Variants in SRP19 observed in about 807,000 individuals in gnomAD.
The protein encoded by SRP19 is signal recognition particle 19.
Under a neutral mutation model 22.4 loss-of-function variants are expected in SRP19, and 11 were observed. The observed-to-expected ratio is 0.49, with a 90% confidence interval of 0.31 to 0.81. The LOEUF is 0.81. Among genes scored for constraint, SRP19 ranks in the 40% least tolerant of loss-of-function variants. The pLI is 0.05. For synonymous variants in SRP19, 61 were observed against 57.6 expected, an observed-to-expected ratio of 1.06 and a Z score of -0.27; for missense variants, 168 against 175.9, an observed-to-expected ratio of 0.96 and a Z score of 0.25.
chr5:112,885,220 G>A (rs533309215), intron 4 of SRP19: 36 of 165,654 alleles, frequency 2.2e-4, no homozygotes, highest in Middle Eastern at 2.0e-3. Context: ...GGGGTGGGGA[G>A]CCCCAAGGAG....
In SRP19 at chr5:112,862,544, G is replaced by T. The variant is rs755053551; in HGVS notation, c.78G>T (p.Lys26Asn). 33 of 1,613,872 alleles carry T rather than the reference G, an allele frequency of 2.0e-5. No individual in the cohort carries two copies. Among genetic ancestry groups the T allele is most frequent in the South Asian group, 9.9e-5 (9 of 91,042 alleles). ...TCTATCCTGCTTATTTAAATAATAA[G>T]AAGACCATCGCAGAGGGAAGGCGAA... ...ICIYPAYLNN[K>N]KTIAEGRRIP... Residue 26 changes from lysine (K) to asparagine (N), a missense_variant, in exon 2 of 5, where the codon AAG (lysine) becomes AAT (asparagine). By Grantham distance (94) the Lys-to-Asn change is moderately conservative. Transcript: ENST00000505459.
In SRP19 at chr5:112,864,539, G is replaced by A; in HGVS notation, c.189+11G>A. The A allele has an allele frequency of 6.2e-7, 1 of 1,613,646 alleles. No individual in the cohort carries two copies. Among genetic ancestry groups the A allele is most frequent in the Non-Finnish European group, 8.5e-7 (1 of 1,179,592 alleles). ...AACGTATTTCTTGAGGTATGACGTG[G>A]TTCTTCACTATTTTCCATACTCATC... On this transcript the variant is annotated intron_variant, in intron 3 of 4. Transcript: ENST00000505459.
downstream of SRP19, chr5:112,895,246 A>AAAAAAAAAAAAAG: frequency 6.6e-6 from 1 of 150,842 alleles, no homozygotes; most frequent in Non-Finnish European, 1.5e-5. Flanking sequence ...TCAAAAAAAA[A>AAAAAAAAAAAAAG]AAAAAAAAAA....
rs148097527 is a variant in SRP19 at position 112,868,499 on chromosome 5, C to T, written c.*962C>T. 1.4e-3 allele frequency: 754 copies of T among 531,796 alleles called. 6 individuals are homozygous for T. The African/African-American group carries it at 0.014, about 10-fold the overall frequency. 32.9% of individuals were successfully genotyped at this position (531,796 alleles called of 1,614,324 possible). A position where few individuals can be genotyped will look rare whatever the true frequency, so the allele number is the denominator to read the frequency against. ...TACCACAACCTCTGCATCCCAGGTT[C>T]AAGAGATTCTCCTGCCTCAGCCTCC... is the stretch of plus-strand genomic sequence containing the variant. On this transcript the variant is annotated 3_prime_UTR_variant, in exon 5 of 5. Coordinates refer to ENST00000505459, the MANE Select transcript of SRP19 (RefSeq NM_003135.3).
Position 112,868,250 on chromosome 5 carries a change from T to C in SRP19, c.*713T>C. On this transcript the variant is annotated 3_prime_UTR_variant, in exon 5 of 5. Transcript: ENST00000505459. ...TACACTTTCCTTCAACAAATGAAAT[T>C]GGATTGGTGCTCCAGAATTTCAGAG... 5.1e-6 allele frequency: 5 copies of C among 985,528 alleles called. No individual in the cohort carries two copies. The South Asian group carries it at 1.4e-4, about 28-fold the overall frequency. 61.0% of individuals were successfully genotyped at this position (985,528 alleles called of 1,614,324 possible).
chr5:112,888,170 T>TAA (rs60080597), intron 4 of SRP19, among the ~76,000 whole-genome samples: 85,763 of 151,688 alleles, frequency 0.57, 26,852 homozygotes, highest in African/African-American at 0.86. Flanking sequence ...GCTTTAAATT[T>TAA]AAGTCTTAGT....
In SRP19 at chr5:112,867,449, A is replaced by C; in HGVS notation, c.347A>C (p.Lys116Thr). The stretch of plus-strand genomic sequence containing the variant: ...GCAGCAGAAATGATACCTAAACTAA[A>C]AACAAGGACACAAAAAACAGGAGGT... ...LYAAEMIPKL[K>T]TRTQKTGGAD... is the part of the protein sequence containing the mutation. Residue 116 changes from lysine to threonine, a missense_variant, in exon 5 of 5, where the codon AAA (lysine) becomes ACA (threonine). Transcript: ENST00000505459. 6.2e-7 allele frequency: 1 copy of C among 1,614,064 alleles called. No homozygotes were observed. The highest frequency in any genetic ancestry group is 8.5e-7 in the Non-Finnish European group (1 of 1,179,978).
rs572863260 is a variant in SRP19, at chr5:112,891,434, A to G, written c.302-169A>G. 3.3e-5 allele frequency among the ~76,000 whole-genome samples: 5 copies of G among 152,282 alleles called. No homozygotes were observed. The East Asian group carries it at 9.6e-4, about 29-fold the overall frequency. The stretch of plus-strand genomic sequence containing the variant: ...GAAATGAAATTCAAATTTATGATAT[A>G]CTTAATTACAAAAAAAGTCTAACTG... On this transcript the variant is annotated intron_variant, in intron 4 of 4. Transcript: ENST00000391338.
intron 4 of SRP19, chr5:112,887,246 A>G: frequency 7.1e-7 from 1 of 1,415,330 alleles, no homozygotes; most frequent in Non-Finnish European, 9.4e-7. Flanking sequence ...CTGAGAATAC[A>G]CACTGTCTTT....
intron 4 of SRP19, among the ~76,000 whole-genome samples, chr5:112,881,318 G>C (rs186949649): frequency 3.3e-5 from 5 of 152,110 alleles, no homozygotes. Context: ...TGCTGCTGGA[G>C]AACTGTCTTG....
intron 1 of SRP19, among the ~76,000 whole-genome samples, 176 bp downstream of exon 1, chr5:112,861,593 C>T (rs1482247319): frequency 6.6e-6 from 1 of 152,242 alleles, no homozygotes; most frequent in African/African-American, 2.4e-5. Context: ...GCAGCAGCCA[C>T]CAGGCTCTTC....
Position 112,868,093 on chromosome 5 carries a change from TA to T in SRP19, c.*558del. 1 of 985,442 alleles carries T rather than the reference TA, an allele frequency of 1.0e-6. No homozygotes were observed. 61.0% of individuals were successfully genotyped at this position (985,442 alleles called of 1,614,324 possible). On this transcript the variant is annotated 3_prime_UTR_variant, in exon 5 of 5. Coordinates refer to ENST00000505459, the MANE Select transcript of SRP19 (RefSeq NM_003135.3). ...TAGATGATATTTTAATATATTATTG[TA>T]ATCGAATCGTTCAGTTGTTTTTTGA...
chr5:112,886,719 T>C (rs915017739), intron 4 of SRP19, among the ~76,000 whole-genome samples: 2 of 152,234 alleles, frequency 1.3e-5, no homozygotes, highest in African/African-American at 4.8e-5. Context: ...TTAGAAGAGA[T>C]GGACTTGCAT....
downstream of SRP19, among the ~76,000 whole-genome samples, chr5:112,871,415 C>G (rs1189088676): frequency 6.6e-6 from 1 of 151,784 alleles, no homozygotes; most frequent in Non-Finnish European, 1.5e-5. Flanking sequence ...CTCAAGTGAT[C>G]CTCCCATCTC....
intron 4 of SRP19, among the ~76,000 whole-genome samples, chr5:112,866,315 C>T (rs543884408): frequency 5.9e-5 from 9 of 152,130 alleles, no homozygotes; most frequent in Admixed American, 3.9e-4. Flanking sequence ...GGAGTTTCTC[C>T]ATCTTGGTCA....
chr5:112,888,499 T>C (rs1300809694), intron 4 of SRP19, among the ~76,000 whole-genome samples: 1 of 152,226 alleles, frequency 6.6e-6, no homozygotes, highest in Non-Finnish European at 1.5e-5. Context: ...CATGGCTTAC[T>C]GCAGCCTTGA....
chr5:112,883,254 C>T (rs929806263), intron 4 of SRP19, among the ~76,000 whole-genome samples: 3 of 152,166 alleles, frequency 2.0e-5, no homozygotes, highest in Non-Finnish European at 4.4e-5. Flanking sequence ...TTCTCTCATT[C>T]TCTCAAATCC....
At chr5:112,875,083 A>C (rs1001382441) in intron 4 of SRP19, among the ~76,000 whole-genome samples, 2 of 152,084 alleles carry the variant, frequency 1.3e-5, no homozygotes, top group Non-Finnish European at 2.9e-5. Context: ...GCCCACACCA[A>C]AGTTTTTGGG....
chr5:112,892,954 G>A (rs1554093613), exon 5 of SRP19: 1 of 1,596,252 alleles, frequency 6.3e-7, no homozygotes, highest in African/African-American at 1.3e-5. Context: ...CTGGGACCAG[G>A]GCCGCCGGAG....
Sources: allele counts gnomAD v4.1 joint callset (sites outside exome capture counted in the v4.1 genomes callset), GRCh38; gene constraint gnomAD v4.1.1; transcripts MANE v1.5; gene names NCBI Gene and HGNC (gene_info 2026-07-23, HGNC 2026-07-21).